PRKG1: variants seen among roughly 807,000 people sequenced by gnomAD.
The protein encoded by PRKG1 is cGMP-dependent protein kinase 1.
A neutral mutation model predicts 88.1 loss-of-function variants in PRKG1; 35 were observed. The observed-to-expected ratio is 0.40, with a 90% confidence interval of 0.30 to 0.53. The LOEUF (loss-of-function observed/expected upper bound fraction) is 0.53, where lower values mean the gene tolerates loss of function less well. PRKG1 is among the 20% of genes least tolerant of loss of function. The pLI, the probability that PRKG1 is intolerant of heterozygous loss-of-function variation, is 0.59. For missense variants in PRKG1, 540 were observed against 839.8 expected (o/e 0.64, Z 4.41); for synonymous variants, 303 against 292.5 (o/e 1.04, Z -0.37).
chr10:51,104,766 G>A (rs951787665), intron 1 of PRKG1, among the ~76,000 whole-genome samples: 1 of 148,602 alleles, frequency 6.7e-6, no homozygotes, highest in East Asian at 2.0e-4. Context: ...TTTTGCTCTT[G>A]TTGCCCAGGC....
At chr10:51,317,087 A>G (rs1364467666) in intron 2 of PRKG1, among the ~76,000 whole-genome samples, 1 of 152,102 alleles carries the variant, frequency 6.6e-6, no homozygotes, top group African/African-American at 2.4e-5. Context: ...AAGGTCTTTT[A>G]TTTTTTCCCC....
chr10:51,818,543 T>C (rs1313038772), intron 4 of PRKG1, among the ~76,000 whole-genome samples: 2 of 152,214 alleles, frequency 1.3e-5, no homozygotes, highest in African/African-American at 4.8e-5. Context: ...TAAATAGATA[T>C]TTTTTGTATA....
At chr10:52,154,957 G>T (rs948712352) in intron 8 of PRKG1, among the ~76,000 whole-genome samples, 5 of 152,140 alleles carry the variant, frequency 3.3e-5, no homozygotes, top group Admixed American at 2.6e-4. Context: ...CCAAGTTGCT[G>T]TAAATGTCAT....
At chr10:51,340,962 A>G (rs927372379) in intron 2 of PRKG1, among the ~76,000 whole-genome samples, 1 of 152,190 alleles carries the variant, frequency 6.6e-6, no homozygotes, top group African/African-American at 2.4e-5. Flanking sequence ...TTGATAGAAA[A>G]AAATCCTCCT....
At chr10:51,263,728 T>A (rs932647134) in intron 2 of PRKG1, among the ~76,000 whole-genome samples, 2 of 152,228 alleles carry the variant, frequency 1.3e-5, no homozygotes, top group African/African-American at 4.8e-5. Context: ...AAAGGAGTGA[T>A]ATTTTTTAAA....
intron 3 of PRKG1, among the ~76,000 whole-genome samples, chr10:51,801,235 A>T (rs1174789781): frequency 3.3e-5 from 5 of 152,140 alleles, no homozygotes; most frequent in Non-Finnish European, 4.4e-5. Flanking sequence ...GTTCAGCCAG[A>T]GACAATATGT....
At chr10:51,452,024 G>C (rs1045836615) in intron 2 of PRKG1, among the ~76,000 whole-genome samples, 8 of 151,788 alleles carry the variant, frequency 5.3e-5, no homozygotes, top group Admixed American at 4.6e-4. Context: ...CTATGTACCT[G>C]TGCTAATCTT....
At chr10:51,777,957 G>A (rs1023770710) in intron 3 of PRKG1, among the ~76,000 whole-genome samples, 5 of 152,010 alleles carry the variant, frequency 3.3e-5, no homozygotes, top group South Asian at 2.1e-4. Context: ...TATTTTTAGT[G>A]CAGAGTAATA....
At chr10:51,807,370 G>A (rs377494146) in intron 4 of PRKG1, among the ~76,000 whole-genome samples, 1 of 152,144 alleles carries the variant, frequency 6.6e-6, no homozygotes, top group Non-Finnish European at 1.5e-5. Context: ...ATGTAGGGGT[G>A]GAAAGGGTAC....
At chr10:52,134,505 C>T (rs1050908198) in intron 8 of PRKG1, among the ~76,000 whole-genome samples, 1 of 152,106 alleles carries the variant, frequency 6.6e-6, no homozygotes. Flanking sequence ...TACCTGGATG[C>T]TTTATAAGTT....
intron 4 of PRKG1, among the ~76,000 whole-genome samples, chr10:51,829,642 T>C (rs982481790): frequency 2.6e-5 from 4 of 152,222 alleles, no homozygotes; most frequent in Admixed American, 6.5e-5. Flanking sequence ...TCTAAAGGAC[T>C]ATGACATCTT....
At chr10:52,263,318 A>G (rs1238050736) in intron 10 of PRKG1, among the ~76,000 whole-genome samples, 1 of 152,094 alleles carries the variant, frequency 6.6e-6, no homozygotes, top group African/African-American at 2.4e-5. Context: ...TGTAAATGAA[A>G]CATGTAGCTA....
At chr10:52,165,298 T>C (rs1341145950) in intron 9 of PRKG1, among the ~76,000 whole-genome samples, 1 of 152,178 alleles carries the variant, frequency 6.6e-6, no homozygotes, top group African/African-American at 2.4e-5. Flanking sequence ...CTGTGAATTA[T>C]TCCCTAGAGA....
In PRKG1 at chr10:52,282,997, G is replaced by A. The variant is rs911983243; in HGVS notation, c.1709+681G>A. 2.3e-4 allele frequency among the ~76,000 whole-genome samples: 35 copies of A among 152,040 alleles called. 2 individuals are homozygous for A. The highest frequency in any genetic ancestry group is 6.3e-3 in the Middle Eastern group (2 of 316). On this transcript the variant is annotated intron_variant, in intron 14 of 17. Coordinates refer to ENST00000373980, the MANE Select transcript of PRKG1 (RefSeq NM_006258.4). ...GACTTAGATATAGAGAGCAAGAAAAGGGTATTCCAGGCAAATAGGCATGGC... is the reference window on the plus strand; with the variant it reads ...GACTTAGATATAGAGAGCAAGAAAAAGGTATTCCAGGCAAATAGGCATGGC...
intron 2 of PRKG1, chr10:51,299,555 C>T (rs1414631600): frequency 4.2e-6 from 2 of 471,502 alleles, no homozygotes; most frequent in South Asian, 3.1e-5. Flanking sequence ...CTTTCACAGC[C>T]TGTAACATAT....
rs1007705912 is a variant in PRKG1, at chr10:51,825,416, A to T, written c.698+20726A>T. On this transcript the variant is annotated intron_variant, in intron 4 of 17. Transcript: ENST00000373980. ...AAGAATAAAAATCAGTCCTCTCAGG[A>T]AAAAGTACAGTAGGTGTTCCAAATG... Among the ~76,000 whole-genome samples the T allele has an allele frequency of 6.2e-4, 95 of 152,198 alleles. 3 individuals are homozygous for T. The highest frequency in any genetic ancestry group is 2.5e-4 in the Non-Finnish European group (17 of 68,038).
At chr10:51,392,738 G>A (rs1296119733) in intron 2 of PRKG1, among the ~76,000 whole-genome samples, 1 of 142,670 alleles carries the variant, frequency 7.0e-6, no homozygotes, top group Non-Finnish European at 1.6e-5. Flanking sequence ...CCTCCCGGAC[G>A]GGGCGGCTGG....
In PRKG1 at chr10:51,721,212, TA is replaced by T. The variant is rs55873432; in HGVS notation, c.593-83353del. Among the ~76,000 whole-genome samples, 267 of 122,046 alleles carry T rather than the reference TA, an allele frequency of 2.2e-3. 4 individuals are homozygous for T. The highest frequency in any genetic ancestry group is 0.013 in the East Asian group (46 of 3,458). 80.1% of individuals were successfully genotyped at this position (122,046 alleles called of 152,430 possible). A position where few individuals can be genotyped will look rare whatever the true frequency, so the allele number is the denominator to read the frequency against. ...CTCTGGGTGACAGAGCAAGACCTAT[TA>T]AAAAAAAAAAAAAAAAAAAGAAAAA... is the stretch of plus-strand genomic sequence containing the variant. On this transcript the variant is annotated intron_variant, in intron 3 of 17. Coordinates refer to ENST00000373980, the MANE Select transcript of PRKG1 (RefSeq NM_006258.4).
At chr10:51,630,836 G>A (rs1366943241) in intron 3 of PRKG1, among the ~76,000 whole-genome samples, 2 of 152,236 alleles carry the variant, frequency 1.3e-5, no homozygotes, top group African/African-American at 2.4e-5. Flanking sequence ...TTTACCAACA[G>A]TAAAGGGCTT....
Sources: gnomAD v4.1 joint callset for allele counts (sites outside exome capture counted in the v4.1 genomes callset) on GRCh38, gnomAD v4.1.1 for gene constraint, MANE v1.5 for transcripts, NCBI Gene and HGNC (gene_info 2026-07-23, HGNC 2026-07-21) for gene names.